CPEB2: variants seen among roughly 807,000 people sequenced by gnomAD.
The protein encoded by CPEB2 is cytoplasmic polyadenylation element binding protein 2.
In CPEB2, 56 loss-of-function variants were observed where a neutral mutation model predicts 93.6. The observed-to-expected ratio is 0.60, with a 90% confidence interval of 0.48 to 0.75. CPEB2 has a LOEUF of 0.75. Among genes scored for constraint, CPEB2 ranks in the 30% least tolerant of loss-of-function variants. The pLI is 0.00. For synonymous variants in CPEB2, 764 were observed against 586.3 expected (o/e 1.30, Z -4.38); for missense variants, 1,579 against 1,395.1 (o/e 1.13, Z -2.10).
At chr4:15,058,567 C>A (rs2109097074) in intron 9 of CPEB2, 28 bp downstream of exon 9, 3 of 1,268,884 alleles carry the variant, frequency 2.4e-6, no homozygotes, top group South Asian at 1.3e-5. Flanking sequence ...GAACTTCAGG[C>A]TACAAATGCA....
At position 15,058,444 on chromosome 4, in the gene CPEB2, G is replaced by A. The variant is rs767827289; in HGVS notation, c.2485G>A (p.Glu829Lys). The A allele has an allele frequency of 6.2e-7, 1 of 1,607,742 alleles. No individual in the cohort carries two copies. The highest frequency in any genetic ancestry group is 8.5e-7 in the Non-Finnish European group (1 of 1,175,004). Residue 829 changes from glutamate to lysine, a missense_variant, in exon 9 of 12, where the codon GAA becomes AAA. By Grantham distance (56) the Glu-to-Lys change is moderately conservative. Transcript: ENST00000538197. The part of the protein sequence containing the change: ...PKGYAFLLFQ[E>K]ESSVQALIDA... ...AGGCTATGCATTTCTTCTCTTTCAA[G>A]AAGAGAGCTCAGTTCAGGCACTCAT... is the stretch of plus-strand genomic sequence containing the variant.
chr4:15,055,310 C>T (rs970221926), intron 8 of CPEB2, among the ~76,000 whole-genome samples: 2 of 152,094 alleles, frequency 1.3e-5, no homozygotes, highest in African/African-American at 4.8e-5. Context: ...TTAAAGCTAT[C>T]TACCTCTCTC....
intron 8 of CPEB2, among the ~76,000 whole-genome samples, chr4:15,054,884 AAAAG>A (rs1438317302): frequency 6.6e-6 from 1 of 152,230 alleles, no homozygotes; most frequent in African/African-American, 2.4e-5. Flanking sequence ...ATGAATAAAA[AAAAG>A]AGGGGAGGTT....
chr4:15,050,650 T>C (rs1445326443), intron 6 of CPEB2, among the ~76,000 whole-genome samples: 1 of 152,208 alleles, frequency 6.6e-6, no homozygotes, highest in Non-Finnish European at 1.5e-5. Flanking sequence ...TATCTTAATA[T>C]CTCACATTGT....
intron 6 of CPEB2, among the ~76,000 whole-genome samples, chr4:15,043,166 T>G (rs939229360): frequency 2.0e-5 from 3 of 152,212 alleles, no homozygotes; most frequent in African/African-American, 7.2e-5. Flanking sequence ...CTCACTTGAC[T>G]ACAGTCAAAT....
rs199534670 is a variant in CPEB2 at position 15,020,403 on chromosome 4, G to GC, written c.2125+3126dup. On this transcript the variant is annotated intron_variant, in intron 4 of 11. Coordinates refer to ENST00000538197, the MANE Select transcript of CPEB2 (RefSeq NM_001177382.2). ...AGGTGAGACTGTCAATTGGAAGAAAGCAGTCAAGCAGATAGATCTCTAGAA... is the reference window on the plus strand; with the variant it reads ...AGGTGAGACTGTCAATTGGAAGAAAGCCAGTCAAGCAGATAGATCTCTAGAA... Among the ~76,000 whole-genome samples the GC allele has an allele frequency of 9.9e-3, 1,503 of 152,182 alleles. 32 individuals carry two copies. The highest frequency in any genetic ancestry group is 0.034 in the African/African-American group (1,431 of 41,522).
chr4:15,010,802 T>TATAATACAAAATTCTAGAAC (rs1257111833), intron 3 of CPEB2, among the ~76,000 whole-genome samples: 1 of 152,148 alleles, frequency 6.6e-6, no homozygotes, highest in Non-Finnish European at 1.5e-5. Context: ...GGGCCTAGAA[T>TATAATACAAAATTCTAGAAC]ATAATACAAA....
chr4:15,065,865 CTT>C (rs1453499467), intron 11 of CPEB2, among the ~76,000 whole-genome samples: 5 of 152,042 alleles, frequency 3.3e-5, no homozygotes, highest in Non-Finnish European at 5.9e-5. Flanking sequence ...CTTGATATCT[CTT>C]TTGTTTTTCA....
In CPEB2 at chr4:15,003,377, A is replaced by T. The variant is rs1280291636; in HGVS notation, c.704A>T (p.Gln235Leu). The change falls in exon 1 of 12, where the codon CAG becomes CTG. Residue 235 changes from glutamine (Q) to leucine (L), a missense_variant. Transcript: ENST00000538197. ...CGCCAGCAGCAACAGCCGCCGCAGC[A>T]GTTCAGCCTCCTGCATCAGCAGCAC... ...AQRQQQQPPQ[Q>L]FSLLHQQHLS... The T allele has an allele frequency of 7.2e-7, 1 of 1,379,360 alleles. No individual in the cohort carries two copies. Among genetic ancestry groups the T allele is most frequent in the African/African-American group, 1.5e-5 (1 of 65,188 alleles). The allele number at this position is 1,379,360 out of a possible 1,614,324, so 85.4% of individuals were successfully genotyped here.
chr4:15,023,805 A>T (rs1013003238), intron 4 of CPEB2, among the ~76,000 whole-genome samples: 5 of 151,240 alleles, frequency 3.3e-5, no homozygotes, highest in African/African-American at 1.2e-4. Flanking sequence ...TTGTGCTCCT[A>T]TATTTCCTAC....
chr4:15,029,830 T>C (rs1009175170), intron 4 of CPEB2, among the ~76,000 whole-genome samples: 2 of 152,138 alleles, frequency 1.3e-5, no homozygotes, highest in African/African-American at 4.8e-5. Flanking sequence ...TCACTTTAGC[T>C]ATCACATCAG....
Position 15,003,392 on chromosome 4 carries a change from A to G in CPEB2, c.719A>G (p.His240Arg), listed in dbSNP as rs1036486145. ...CCGCCGCAGCAGTTCAGCCTCCTGC[A>G]TCAGCAGCACCTCTCGCCGCAGGAC... ...QQPPQQFSLL[H>R]QQHLSPQDFA... Residue 240 changes from histidine (H) to arginine (R), a missense_variant, in exon 1 of 12, where the codon CAT becomes CGT. Transcript: ENST00000538197. 2 of 1,375,558 alleles carry G rather than the reference A, an allele frequency of 1.5e-6. No homozygotes were observed. The highest frequency in any genetic ancestry group is 9.3e-7 in the Non-Finnish European group (1 of 1,076,000). 85.2% of individuals were successfully genotyped at this position (1,375,558 alleles called of 1,614,324 possible). A position where few individuals can be genotyped will look rare whatever the true frequency, so the allele number is the denominator to read the frequency against.
chr4:15,048,950 A>G (rs1727972394), intron 6 of CPEB2, among the ~76,000 whole-genome samples: 2 of 152,088 alleles, frequency 1.3e-5, no homozygotes, highest in South Asian at 2.1e-4. Context: ...GACTTTGTCA[A>G]TGATATATAT....
chr4:15,058,258 A>T (rs1728888294), intron 8 of CPEB2, among the ~76,000 whole-genome samples, 163 bp from the exon 9 acceptor site: 1 of 152,044 alleles, frequency 6.6e-6, no homozygotes, highest in African/African-American at 2.4e-5. Context: ...TTTAATGTGT[A>T]TTACATAAGA....
rs1456480982 is a variant in CPEB2, at chr4:15,066,779, G to T, written c.*399G>T. The T allele has an allele frequency of 6.0e-6, 1 of 167,152 alleles. No individual in the cohort carries two copies. The allele number at this position is 167,152 out of a possible 1,614,324, so 10.4% of individuals were successfully genotyped here. ...GATCTGCCCCAGTAATTTACCAAAG[G>T]TAGCAAAATAATAGTGAAGATGGAA... On this transcript the variant is annotated 3_prime_UTR_variant, in exon 12 of 12. Transcript: ENST00000538197.
intron 8 of CPEB2, among the ~76,000 whole-genome samples, chr4:15,055,909 T>C (rs1276187929): frequency 2.0e-5 from 3 of 152,164 alleles, no homozygotes; most frequent in Non-Finnish European, 4.4e-5. Context: ...CAAGCTTAAG[T>C]GTAAGTTGAT....
rs549215769 is a variant in CPEB2 at position 15,058,344 on chromosome 4, A to G, written c.2462-77A>G. ...TTGTTTTTTTTTTTCAAAAGCATGT[A>G]TTTTCTAAATAGTACTGAAATTTGG... On this transcript the variant is annotated intron_variant, in intron 8 of 11. Coordinates refer to ENST00000538197, the MANE Select transcript of CPEB2 (RefSeq NM_001177382.2). 70 of 751,564 alleles carry G rather than the reference A, an allele frequency of 9.3e-5. No homozygotes were observed. In the East Asian group the frequency reaches 1.5e-3, roughly 16 times the overall value. The allele number at this position is 751,564 out of a possible 1,614,324, so 46.6% of individuals were successfully genotyped here.
rs372036257 is a variant in CPEB2 at position 15,007,304 on chromosome 4, G to C, written c.1663-1G>C. ...AATTTAAATAGCTATGTTTTCCCTA[G>C]CCTCTTCTGAAACAGTCTCCCTGGA... On this transcript the variant is annotated splice_acceptor_variant, in intron 1 of 11. Transcript: ENST00000538197. LOFTEE classifies it high-confidence loss of function. The C allele has an allele frequency of 2.5e-5, 36 of 1,464,380 alleles. No homozygotes were observed. In the East Asian group the frequency reaches 8.8e-4, roughly 36 times the overall value. 90.7% of individuals were successfully genotyped at this position (1,464,380 alleles called of 1,614,324 possible).
Position 15,004,716 on chromosome 4 carries a change from C to T in CPEB2, c.1662+381C>T, listed in dbSNP as rs1172171752. Among the ~76,000 whole-genome samples the T allele has an allele frequency of 2.0e-5, 3 of 151,880 alleles. No individual in the cohort carries two copies. In the East Asian group the frequency reaches 5.8e-4, roughly 30 times the overall value. On this transcript the variant is annotated intron_variant, in intron 1 of 11. Coordinates refer to ENST00000538197, the MANE Select transcript of CPEB2 (RefSeq NM_001177382.2). ...ACCCGGCCCTCCTAGCTGGCGCACCCCGGGATCCGCCCTGTGCCCTGGGCC... is the reference window on the plus strand; with the variant it reads ...ACCCGGCCCTCCTAGCTGGCGCACCTCGGGATCCGCCCTGTGCCCTGGGCC...
Sources: gnomAD v4.1 joint callset for allele counts (sites outside exome capture counted in the v4.1 genomes callset) on GRCh38, gnomAD v4.1.1 for gene constraint, MANE v1.5 for transcripts, NCBI Gene and HGNC (gene_info 2026-07-23, HGNC 2026-07-21) for gene names.